CENPK: variants seen among roughly 807,000 people sequenced by gnomAD.
CENPK encodes the protein SoxLZ/Sox6-binding protein Solt.
Under a neutral mutation model 40.9 loss-of-function variants are expected in CENPK, and 46 were observed. The ratio of observed to expected loss-of-function variants is 1.13; its 90% confidence interval spans 0.89 to 1.44. CENPK has a LOEUF of 1.44. CENPK is among the 40% of genes most tolerant of loss of function. The probability of loss-of-function intolerance (pLI) is 0.00; values close to 1 mark genes in which losing one functional copy is unlikely to be tolerated. For synonymous variants in CENPK, 107 were observed against 104.4 expected, an observed-to-expected ratio of 1.02 and a Z score of -0.15; for missense variants, 288 against 303.5, an observed-to-expected ratio of 0.95 and a Z score of 0.38.
chr5:65,553,189 G>GT (rs1044919049), intron 3 of CENPK, among the ~76,000 whole-genome samples: 2 of 152,048 alleles, frequency 1.3e-5, no homozygotes, highest in African/African-American at 4.8e-5. Flanking sequence ...AAAAATAATT[G>GT]TAAGAAAAGA....
chr5:65,555,025 GAATATAGC>G, intron 2 of CENPK, 79 bp from the exon 3 acceptor site: 1 of 700,708 alleles, frequency 1.4e-6, no homozygotes, highest in East Asian at 2.6e-5. Flanking sequence ...TAGGGGGTAA[GAATATAGC>G]AATGAACAAA....
intron 5 of CENPK, among the ~76,000 whole-genome samples, chr5:65,544,575 C>T (rs745819002): frequency 7.9e-5 from 12 of 152,138 alleles, no homozygotes; most frequent in Non-Finnish European, 1.5e-4. Flanking sequence ...GAGAACTGCA[C>T]ATCCATGTTC....
At chr5:65,535,396 TTGA>T (rs765476318) in intron 6 of CENPK, among the ~76,000 whole-genome samples, 5 of 152,230 alleles carry the variant, frequency 3.3e-5, no homozygotes, top group Non-Finnish European at 7.3e-5. Flanking sequence ...AATACTCTAC[TTGA>T]TGAGCATTTT....
chr5:65,543,083 C>T (rs1045527211), intron 5 of CENPK, among the ~76,000 whole-genome samples: 1 of 152,106 alleles, frequency 6.6e-6, no homozygotes, highest in Non-Finnish European at 1.5e-5. Flanking sequence ...CGTGCTTCAG[C>T]CTCCTGAGTA....
At chr5:65,556,790 C>G (rs1036551815) in intron 2 of CENPK, among the ~76,000 whole-genome samples, 1 of 152,178 alleles carries the variant, frequency 6.6e-6, no homozygotes, top group African/African-American at 2.4e-5. Flanking sequence ...AAGCCCTAGA[C>G]AGGTGTTCCA....
intron 5 of CENPK, chr5:65,551,218 C>A: frequency 2.9e-6 from 1 of 341,402 alleles, no homozygotes; most frequent in South Asian, 2.2e-5. Context: ...CCACTGTACT[C>A]CAGCCTGGAC....
At chr5:65,521,570 T>A in intron 9 of CENPK, 42 bp from the exon 10 acceptor site, 1 of 1,278,902 alleles carries the variant, frequency 7.8e-7, no homozygotes. Context: ...CCACTTCACT[T>A]CTGCCAATGG....
At position 65,528,498 on chromosome 5, in the gene CENPK, A is replaced by G. The variant is rs1185768219; in HGVS notation, c.551T>C (p.Leu184Pro). The G allele has an allele frequency of 6.2e-7, 1 of 1,607,310 alleles. No individual in the cohort carries two copies. Among genetic ancestry groups the G allele is most frequent in the East Asian group, 2.2e-5 (1 of 44,662 alleles). The change falls in exon 9 of 11, where the codon CTA (leucine) becomes CCA (proline). Residue 184 changes from leucine to proline, a missense_variant. Physicochemically the swap from Leu to Pro is moderately conservative, Grantham distance 98. Coordinates refer to ENST00000396679, the MANE Select transcript of CENPK (RefSeq NM_022145.5). ...ATCAGGCAGAGGAAAATGGTCTTCT[A>G]GAAACTCGCCCAAGGTACTCAAGAG... ...EKLLSTLGEF[L>P]EDHFPLPDRS...
chr5:65,544,073 T>C (rs1467038372), intron 5 of CENPK, among the ~76,000 whole-genome samples: 1 of 152,236 alleles, frequency 6.6e-6, no homozygotes, highest in Non-Finnish European at 1.5e-5. Context: ...TCTGCTATTC[T>C]AGAAAGCCTT....
chr5:65,498,560 T>G, the CENPK span, among the ~76,000 whole-genome samples: 1 of 151,962 alleles, frequency 6.6e-6, no homozygotes, highest in African/African-American at 2.4e-5. Flanking sequence ...AGAAGAAAAC[T>G]ATTGTATTTG....
At chr5:65,505,678 G>A in the CENPK span, among the ~76,000 whole-genome samples, 19 of 152,262 alleles carry the variant, frequency 1.2e-4, no homozygotes, top group African/African-American at 4.6e-4. Context: ...TCGTGTTGTG[G>A]ATTTAGCATA....
the CENPK span, among the ~76,000 whole-genome samples, chr5:65,505,919 A>G: frequency 6.6e-6 from 1 of 152,040 alleles, no homozygotes; most frequent in Admixed American, 6.6e-5. Flanking sequence ...TTCTGGGTTA[A>G]TTTTTCAACT....
intron 10 of CENPK, 38 bp downstream of exon 10, chr5:65,521,437 A>T (rs767011961): frequency 2.0e-6 from 3 of 1,535,040 alleles, no homozygotes; most frequent in Non-Finnish European, 2.7e-6. Context: ...AATGACTAAG[A>T]CAGCTTCAAG....
the CENPK span, among the ~76,000 whole-genome samples, chr5:65,512,604 GA>G: frequency 3.3e-5 from 5 of 152,192 alleles, no homozygotes; most frequent in Non-Finnish European, 7.3e-5. Context: ...CACATTTTTA[GA>G]AATAATGCTA....
At position 65,521,634 on chromosome 5, in the gene CENPK, C is replaced by G. The variant is rs1296712494; in HGVS notation, c.598-106G>C. On this transcript the variant is annotated intron_variant, in intron 9 of 10. Coordinates refer to ENST00000396679, the MANE Select transcript of CENPK (RefSeq NM_022145.5). ...TTTATTTCTGAGACAGAGTTTCATT[C>G]TTGGCGCCCAGGCTGGAGTGCAATG... The G allele has an allele frequency of 8.7e-6, 7 of 801,942 alleles. No individual in the cohort carries two copies. In the African/African-American group the frequency reaches 1.3e-4, roughly 14 times the overall value. 49.7% of individuals were successfully genotyped at this position (801,942 alleles called of 1,614,324 possible).
chr5:65,542,882 T>C (rs578052551), intron 5 of CENPK, 34 bp from the exon 6 acceptor site: 4 of 1,560,548 alleles, frequency 2.6e-6, no homozygotes, highest in Admixed American at 1.9e-5. Context: ...GTTACACATA[T>C]ATTTAGTTAA....
chr5:65,504,254 C>T, the CENPK span, among the ~76,000 whole-genome samples: 8 of 151,452 alleles, frequency 5.3e-5, no homozygotes, highest in Non-Finnish European at 1.0e-4. Context: ...GTGAGGAGTT[C>T]GAGACCAGCC....
downstream of CENPK, among the ~76,000 whole-genome samples, chr5:65,514,638 C>G (rs1742742624): frequency 6.6e-6 from 1 of 152,172 alleles, no homozygotes; most frequent in African/African-American, 2.4e-5. Context: ...CATCACTTGA[C>G]AAAATTGGCA....
At chr5:65,527,314 AGATG>A (rs1479246127) in intron 9 of CENPK, among the ~76,000 whole-genome samples, 1 of 151,728 alleles carries the variant, frequency 6.6e-6, no homozygotes, top group African/African-American at 2.4e-5. Flanking sequence ...TTCATGTAAA[AGATG>A]GATGAATGCT....
Sources: allele counts gnomAD v4.1 joint callset (sites outside exome capture counted in the v4.1 genomes callset), GRCh38; gene constraint gnomAD v4.1.1; transcripts MANE v1.5; gene names NCBI Gene and HGNC (gene_info 2026-07-23, HGNC 2026-07-21).